The following CCDC91 variants were observed in gnomAD, a reference collection of about 807,000 sequenced individuals.
CCDC91 encodes the protein coiled-coil domain-containing protein 91.
In CCDC91, 48 loss-of-function variants were observed where a neutral mutation model predicts 63.2. That is an observed-to-expected ratio of 0.76 (90% CI 0.60 to 0.97). CCDC91 has a LOEUF of 0.97. Among genes scored for constraint, CCDC91 ranks in the 50% least tolerant of loss-of-function variants. The pLI is 0.00. For missense variants in CCDC91, 500 were observed against 494.6 expected (o/e 1.01, Z -0.10); for synonymous variants, 167 against 165.8 (o/e 1.01, Z -0.06).
intron 3 of CCDC91, among the ~76,000 whole-genome samples, chr12:28,294,709 C>T (rs1354813312): frequency 1.3e-5 from 2 of 152,172 alleles, no homozygotes; most frequent in Admixed American, 6.5e-5. Flanking sequence ...CTCAGCTTCC[C>T]GAGTAGCTGG....
At chr12:28,333,624 T>C (rs903146415) in intron 6 of CCDC91, among the ~76,000 whole-genome samples, 2 of 152,154 alleles carry the variant, frequency 1.3e-5, no homozygotes, top group African/African-American at 4.8e-5. Context: ...TTTATCTCTA[T>C]CTTGGTATCT....
At chr12:28,499,673 C>A (rs1952518025) in intron 12 of CCDC91, among the ~76,000 whole-genome samples, 1 of 152,128 alleles carries the variant, frequency 6.6e-6, no homozygotes, top group South Asian at 2.1e-4. Flanking sequence ...AGGACATGAA[C>A]TCATCCTTTT....
intron 12 of CCDC91, among the ~76,000 whole-genome samples, chr12:28,537,165 T>G (rs1942241209): frequency 6.6e-6 from 1 of 152,154 alleles, no homozygotes; most frequent in South Asian, 2.1e-4. Context: ...TAGGTGCTGT[T>G]TTTTTTCTTT....
At position 28,516,566 on chromosome 12, in the gene CCDC91, T is replaced by C. The variant is rs544841500; in HGVS notation, c.1215+32401T>C. ...TTTCAGTGAGCCAAGATTGTGCCAC[T>C]GTACTCCAGCCTGGGTGACAGAATG... is the stretch of plus-strand genomic sequence containing the variant. On this transcript the variant is annotated intron_variant, in intron 12 of 12. Coordinates refer to ENST00000536442, the MANE Select transcript of CCDC91 (RefSeq NM_018318.5). Among the ~76,000 whole-genome samples the C allele has an allele frequency of 6.8e-4, 103 of 152,040 alleles. 1 individual carries two copies. The highest frequency in any genetic ancestry group is 1.0e-4 in the Non-Finnish European group (7 of 67,918).
chr12:28,384,977 C>T (rs1945512020), intron 7 of CCDC91, among the ~76,000 whole-genome samples: 1 of 151,634 alleles, frequency 6.6e-6, no homozygotes, highest in East Asian at 1.9e-4. Flanking sequence ...AATATCCTTA[C>T]AAAACTTGAA....
At chr12:28,423,307 C>T (rs1208369158) in intron 8 of CCDC91, among the ~76,000 whole-genome samples, 2 of 152,048 alleles carry the variant, frequency 1.3e-5, no homozygotes, top group Non-Finnish European at 2.9e-5. Context: ...ATTTGCTAGG[C>T]TAGTCAGTCA....
chr12:28,302,946 C>G (rs905105597), intron 3 of CCDC91: 2 of 151,700 alleles, frequency 1.3e-5, no homozygotes, highest in Non-Finnish European at 2.9e-5. Flanking sequence ...GTGAGAAGAT[C>G]AGAAGAGATA....
intron 1 of CCDC91, among the ~76,000 whole-genome samples, chr12:28,202,258 C>G (rs1238569434): frequency 1.3e-5 from 2 of 152,112 alleles, no homozygotes; most frequent in Non-Finnish European, 2.9e-5. Context: ...AGTCCAATGT[C>G]TGGGCTTCCT....
chr12:28,296,474 T>C (rs1322172268), intron 3 of CCDC91, among the ~76,000 whole-genome samples: 1 of 151,940 alleles, frequency 6.6e-6, no homozygotes, highest in African/African-American at 2.4e-5. Context: ...ATTTTATCAA[T>C]GATGTAATCA....
intron 12 of CCDC91, among the ~76,000 whole-genome samples, chr12:28,499,824 T>C (rs1952530217): frequency 6.6e-6 from 1 of 152,140 alleles, no homozygotes; most frequent in Non-Finnish European, 1.5e-5. Context: ...TGTGTCTTTA[T>C]AGTAGAATGA....
intron 3 of CCDC91, among the ~76,000 whole-genome samples, chr12:28,261,261 G>A (rs1314164054): frequency 6.6e-6 from 1 of 152,034 alleles, no homozygotes; most frequent in East Asian, 1.9e-4. Flanking sequence ...AAACTCAGAA[G>A]AAAGGTTAGG....
intron 1 of CCDC91, among the ~76,000 whole-genome samples, chr12:28,217,622 G>C (rs1282820705): frequency 6.6e-6 from 1 of 152,052 alleles, no homozygotes; most frequent in Non-Finnish European, 1.5e-5. Context: ...AATTGTGAAA[G>C]GACTGTAGGA....
chr12:28,303,213 T>G (rs1436908692), intron 3 of CCDC91, among the ~76,000 whole-genome samples: 1 of 152,098 alleles, frequency 6.6e-6, no homozygotes, highest in Non-Finnish European at 1.5e-5. Context: ...TTATGAAGAT[T>G]GGGTCGAGGA....
chr12:28,356,014 T>C (rs1159090094), intron 6 of CCDC91, among the ~76,000 whole-genome samples: 2 of 152,212 alleles, frequency 1.3e-5, no homozygotes, highest in South Asian at 2.1e-4. Context: ...GACTGATTCT[T>C]ATCATGTGTG....
chr12:28,478,563 A>G (rs932485054), intron 11 of CCDC91, among the ~76,000 whole-genome samples: 2 of 152,204 alleles, frequency 1.3e-5, no homozygotes, highest in Non-Finnish European at 2.9e-5. Flanking sequence ...CAAGGACTTC[A>G]TATTTAAAAC....
intron 3 of CCDC91, among the ~76,000 whole-genome samples, chr12:28,261,596 T>TG (rs1946827113): frequency 6.6e-6 from 1 of 152,022 alleles, no homozygotes; most frequent in Admixed American, 6.6e-5. Flanking sequence ...TTCAGTAGAC[T>TG]GGAAGTTTAA....
intron 12 of CCDC91, among the ~76,000 whole-genome samples, chr12:28,536,078 G>A (rs556215592): frequency 6.6e-6 from 1 of 151,730 alleles, no homozygotes; most frequent in African/African-American, 2.4e-5. Context: ...TTTATCTATT[G>A]AAATAACATT....
intron 8 of CCDC91, among the ~76,000 whole-genome samples, chr12:28,419,939 T>C (rs572479069): frequency 6.6e-6 from 1 of 152,046 alleles, no homozygotes; most frequent in South Asian, 2.1e-4. Context: ...GTGTTTTTTG[T>C]AGCTATGGGT....
intron 11 of CCDC91, among the ~76,000 whole-genome samples, chr12:28,463,675 G>A (rs1051101296): frequency 2.6e-5 from 4 of 152,162 alleles, no homozygotes; most frequent in Admixed American, 2.0e-4. Flanking sequence ...TGACATTTTG[G>A]TGACTGACAA....
Sources: allele counts gnomAD v4.1 joint callset (sites outside exome capture counted in the v4.1 genomes callset), GRCh38; gene constraint gnomAD v4.1.1; transcripts MANE v1.5; gene names NCBI Gene and HGNC (gene_info 2026-07-23, HGNC 2026-07-21).